The following GABRG1 variants were observed in gnomAD, a reference collection of about 807,000 sequenced individuals.
The protein encoded by GABRG1 is gamma-aminobutyric acid type A receptor subunit gamma1.
A neutral mutation model predicts 49.8 loss-of-function variants in GABRG1; 49 were observed. The observed-to-expected ratio is 0.98, with a 90% CI of 0.78 to 1.25. The LOEUF (loss-of-function observed/expected upper bound fraction) is 1.25, where lower values mean the gene tolerates loss of function less well. Ranked by LOEUF, GABRG1 falls within the 50% of genes most tolerant of loss-of-function variation. The pLI is 0.00. For synonymous variants in GABRG1, 232 were observed against 185.1 expected (o/e 1.25, Z -2.06); for missense variants, 552 against 552.3 (o/e 1.00, Z 0.01).
intron 8 of GABRG1, among the ~76,000 whole-genome samples, chr4:46,049,920 G>T (rs1185841905): frequency 6.6e-6 from 1 of 151,840 alleles, no homozygotes; most frequent in African/African-American, 2.4e-5. Context: ...TTAGAGAATG[G>T]ATGTGAGATT....
At chr4:46,093,069 T>TA (rs10627690) in intron 2 of GABRG1, among the ~76,000 whole-genome samples, 6,596 of 122,220 alleles carry the variant, frequency 0.054, 266 homozygotes, top group African/African-American at 0.098. Context: ...AACTCCATCT[T>TA]AAAAAAAAAA....
chr4:46,092,999 G>C (rs193053650), intron 2 of GABRG1, among the ~76,000 whole-genome samples: 5 of 150,972 alleles, frequency 3.3e-5, no homozygotes, highest in Admixed American at 3.3e-4. Context: ...AACCCAGAAG[G>C]AGGAGGTTGC....
intron 2 of GABRG1, among the ~76,000 whole-genome samples, chr4:46,095,199 A>C (rs1720127380): frequency 6.6e-6 from 1 of 151,830 alleles, no homozygotes; most frequent in South Asian, 2.1e-4. Context: ...AATGAAGAGA[A>C]TACAACTGAG....
chr4:46,117,963 T>G (rs1577673878), intron 1 of GABRG1, among the ~76,000 whole-genome samples: 1 of 60,562 alleles, frequency 1.7e-5, no homozygotes, highest in Non-Finnish European at 2.7e-5. Context: ...TCTATATACA[T>G]ATATACATAT....
chr4:46,079,898 A>T (rs1223356544), intron 3 of GABRG1, among the ~76,000 whole-genome samples: 1 of 151,496 alleles, frequency 6.6e-6, no homozygotes, highest in Admixed American at 6.6e-5. Flanking sequence ...TGTCTCATAA[A>T]CTCTAGTAAC....
rs140238931 is a variant in GABRG1, at chr4:46,049,360, A to T, written c.1131+2064T>A. Among the ~76,000 whole-genome samples, 1,211 of 152,030 alleles carry T rather than the reference A, an allele frequency of 8.0e-3. 3 individuals carry two copies. Among genetic ancestry groups the T allele is most frequent in the Middle Eastern group, 0.034 (10 of 294 alleles). ...TACACTGAACCATGCAAGGAGTCAG[A>T]TTTGATTACTGATCCCGGTTTTTCA... On this transcript the variant is annotated intron_variant, in intron 8 of 8. Transcript: ENST00000295452.
intron 3 of GABRG1, among the ~76,000 whole-genome samples, chr4:46,066,236 CA>C (rs1468977084): frequency 1.3e-4 from 20 of 152,020 alleles, no homozygotes; most frequent in South Asian, 6.2e-4. Flanking sequence ...GTCACATAAA[CA>C]AAAAAGAAAC....
At chr4:46,089,356 G>A (rs1335568018) in intron 2 of GABRG1, among the ~76,000 whole-genome samples, 5 of 152,036 alleles carry the variant, frequency 3.3e-5, no homozygotes, top group African/African-American at 1.2e-4. Flanking sequence ...CCAAAAAGAA[G>A]TAACAAGTAA....
intron 5 of GABRG1, among the ~76,000 whole-genome samples, chr4:46,061,403 A>G (rs1331636575): frequency 6.6e-6 from 1 of 152,138 alleles, no homozygotes; most frequent in African/African-American, 2.4e-5. Flanking sequence ...ATGCTTATGA[A>G]TAAAATGTCA....
At chr4:46,084,572 C>A (rs928475433) in intron 2 of GABRG1, among the ~76,000 whole-genome samples, 11 of 151,690 alleles carry the variant, frequency 7.3e-5, no homozygotes, top group Admixed American at 2.6e-4. Flanking sequence ...TTTTGTAAAA[C>A]AATGTCTATC....
At chr4:46,054,041 G>C (rs1173657142) in intron 7 of GABRG1, among the ~76,000 whole-genome samples, 1 of 37,908 alleles carries the variant, frequency 2.6e-5, no homozygotes, top group Non-Finnish European at 5.1e-5. Context: ...GTAAGGAAGG[G>C]ATCCAGTTTC....
chr4:46,106,368 A>G (rs1257389885), intron 1 of GABRG1, among the ~76,000 whole-genome samples: 1 of 151,432 alleles, frequency 6.6e-6, no homozygotes, highest in African/African-American at 2.4e-5. Flanking sequence ...TTAGTCATTT[A>G]TGTATTTACA....
In GABRG1 at chr4:46,063,398, G is replaced by A. The variant is rs886495075; in HGVS notation, c.625+1043C>T. 5.3e-5 allele frequency among the ~76,000 whole-genome samples: 8 copies of A among 152,196 alleles called. 1 individual carries two copies. Among genetic ancestry groups the A allele is most frequent in the African/African-American group, 1.7e-4 (7 of 41,544 alleles). On this transcript the variant is annotated intron_variant, in intron 5 of 8. Transcript: ENST00000295452. ...CAACTATCTGATCTTTGACAAAGCT[G>A]AGAAAAACAAGCAATGGGGAAAATC...
At chr4:46,094,992 GAAT>G (rs1414478653) in intron 2 of GABRG1, among the ~76,000 whole-genome samples, 2 of 151,476 alleles carry the variant, frequency 1.3e-5, no homozygotes, top group Non-Finnish European at 3.0e-5. Flanking sequence ...AAAAATTTAG[GAAT>G]AAGAAAAAAT....
At chr4:46,087,489 C>A (rs1719821717) in intron 2 of GABRG1, among the ~76,000 whole-genome samples, 1 of 151,592 alleles carries the variant, frequency 6.6e-6, no homozygotes, top group South Asian at 2.1e-4. Context: ...AATTAAATAA[C>A]ATTTAAAAAA....
chr4:46,093,182 T>C (rs188928601), intron 2 of GABRG1, among the ~76,000 whole-genome samples: 62 of 152,026 alleles, frequency 4.1e-4, no homozygotes, highest in Middle Eastern at 3.4e-3. Flanking sequence ...AGAAAGATTG[T>C]TTCCTAATGA....
intron 1 of GABRG1, among the ~76,000 whole-genome samples, chr4:46,106,230 T>C (rs1324978707): frequency 6.6e-6 from 1 of 151,400 alleles, no homozygotes; most frequent in Non-Finnish European, 1.5e-5. Context: ...AATAGCTAAT[T>C]TGTAGTGCAG....
intron 8 of GABRG1, among the ~76,000 whole-genome samples, chr4:46,049,905 T>C (rs765938587): frequency 5.3e-5 from 8 of 151,886 alleles, no homozygotes; most frequent in Non-Finnish European, 8.8e-5. Flanking sequence ...ATTCTTAGAA[T>C]GAAATTAGAG....
In GABRG1 at chr4:46,072,770, A is replaced by G. The variant is rs537248589; in HGVS notation, c.322-7186T>C. On this transcript the variant is annotated intron_variant, in intron 3 of 8. Coordinates refer to ENST00000295452, the MANE Select transcript of GABRG1 (RefSeq NM_173536.4). ...GTTTCAAGAAAATAAGGGCAGAAAAACCATTGTGATGCTAGCTTCGCATGT... is the reference window on the plus strand; with the variant it reads ...GTTTCAAGAAAATAAGGGCAGAAAAGCCATTGTGATGCTAGCTTCGCATGT... Among the ~76,000 whole-genome samples the G allele has an allele frequency of 2.6e-5, 4 of 152,220 alleles. No individual in the cohort carries two copies. In the South Asian group the frequency reaches 8.3e-4, roughly 32 times the overall value.
Sources: allele counts gnomAD v4.1 joint callset (sites outside exome capture counted in the v4.1 genomes callset), GRCh38; gene constraint gnomAD v4.1.1; transcripts MANE v1.5; gene names NCBI Gene and HGNC (gene_info 2026-07-23, HGNC 2026-07-21).